Variants in RSBN1L observed in about 807,000 individuals in gnomAD.
The protein encoded by RSBN1L is lysine-specific demethylase RSBN1L.
A neutral mutation model predicts 67.7 loss-of-function variants in RSBN1L; 30 were observed. The observed-to-expected ratio is 0.44, with a 90% CI of 0.33 to 0.60. RSBN1L has a LOEUF of 0.60. RSBN1L is among the 20% of genes least tolerant of loss of function. The pLI is 0.02. For missense variants in RSBN1L, 992 were observed against 1,031.7 expected (o/e 0.96, Z 0.53); for synonymous variants, 433 against 387.0 (o/e 1.12, Z -1.39).
chr7:77,779,986 A>C lies in RSBN1L; in HGVS notation c.*818A>C, dbSNP rs1312968482. The C allele has an allele frequency of 6.6e-6, 1 of 151,842 alleles. No homozygotes were observed. The highest frequency in any genetic ancestry group is 1.5e-5 in the Non-Finnish European group (1 of 68,014). 9.4% of individuals were successfully genotyped at this position (151,842 alleles called of 1,614,324 possible). A position where few individuals can be genotyped will look rare whatever the true frequency, so the allele number is the denominator to read the frequency against. On this transcript the variant is annotated 3_prime_UTR_variant, in exon 8 of 8. Coordinates refer to ENST00000334955, the MANE Select transcript of RSBN1L (RefSeq NM_198467.3). ...AGCTGGGACTACAGGCACGCACCAC[A>C]ACACCCAGCTAATTTTTGTATTTTT...
chr7:77,776,065 A>AC, intron 6 of RSBN1L, among the ~76,000 whole-genome samples: 1 of 152,082 alleles, frequency 6.6e-6, no homozygotes, highest in East Asian at 1.9e-4. Flanking sequence ...TCAAAAAAAA[A>AC]AGTGTATTTT....
intron 6 of RSBN1L, among the ~76,000 whole-genome samples, chr7:77,776,959 CTTCTTTA>C (rs1233401328): frequency 3.3e-5 from 5 of 150,946 alleles, no homozygotes; most frequent in Admixed American, 6.6e-5. Flanking sequence ...TTCCAATTTG[CTTCTTTA>C]TTCTTTATTC....
Position 77,778,620 on chromosome 7 carries a change from T to A in RSBN1L, c.1993T>A (p.Tyr665Asn), listed in dbSNP as rs1227007668. 1 of 1,614,008 alleles carries A rather than the reference T, an allele frequency of 6.2e-7. No homozygotes were observed. Among genetic ancestry groups the A allele is most frequent in the Non-Finnish European group, 8.5e-7 (1 of 1,180,002 alleles). ...GATTCAGCTATATGATAATGACATT[T>A]ATTTTATTCCAAGGAATGTTGTTCA... ...ARIQLYDNDI[Y>N]FIPRNVVHQF... The change falls in exon 8 of 8, where the codon TAT (tyrosine) becomes AAT (asparagine). Residue 665 changes from tyrosine (Y) to asparagine (N), a missense_variant. Physicochemically the swap from Tyr to Asn is moderately radical, Grantham distance 143 (BLOSUM62 -2). Transcript: ENST00000334955.
At chr7:77,729,156 T>C (rs1038345933) in intron 1 of RSBN1L, among the ~76,000 whole-genome samples, 3 of 152,160 alleles carry the variant, frequency 2.0e-5, no homozygotes, top group Admixed American at 1.3e-4. Context: ...CAGCTTCCAT[T>C]GTGGTGTTTT....
At position 77,696,593 on chromosome 7, in the gene RSBN1L, G is replaced by T; in HGVS notation, c.124G>T (p.Ala42Ser). The change falls in exon 1 of 8, where the codon GCC becomes TCC. Residue 42 changes from alanine (A) to serine (S), a missense_variant. By Grantham distance (99) the Ala-to-Ser change is moderately conservative. Around this residue, in one of 7 missense-constraint regions of RSBN1L, gnomAD observed 575 missense variants for 483.2 expected, o/e 1.19. Coordinates refer to ENST00000334955, the MANE Select transcript of RSBN1L (RefSeq NM_198467.3). The part of the protein sequence containing the change: ...SSRDPPGSLS[A>S]KKVRTEEKKA... ...CCGGGACCCTCCGGGTTCTCTGTCC[G>T]CCAAGAAGGTCCGGACTGAGGAGAA... The T allele has an allele frequency of 1.5e-5, 24 of 1,614,082 alleles. No homozygotes were observed. Among genetic ancestry groups the T allele is most frequent in the Non-Finnish European group, 2.0e-5 (24 of 1,179,996 alleles).
At chr7:77,771,470 G>A (rs1791848881) in intron 5 of RSBN1L, among the ~76,000 whole-genome samples, 1 of 150,084 alleles carries the variant, frequency 6.7e-6, no homozygotes, top group Non-Finnish European at 1.5e-5. Context: ...TAATTTGTAA[G>A]TTAGTAGTAA....
chr7:77,767,079 C>A (rs1442536934), intron 4 of RSBN1L, among the ~76,000 whole-genome samples: 1 of 139,106 alleles, frequency 7.2e-6, no homozygotes, highest in Non-Finnish European at 1.5e-5. Context: ...TTCCCTTCCC[C>A]TTCCCCTTCC....
chr7:77,704,334 C>T (rs1463603180), intron 1 of RSBN1L, among the ~76,000 whole-genome samples: 2 of 151,754 alleles, frequency 1.3e-5, no homozygotes, highest in African/African-American at 4.8e-5. Context: ...GATAAACTAC[C>T]TAAAATAGGA....
intron 3 of RSBN1L, among the ~76,000 whole-genome samples, chr7:77,750,892 A>T (rs1211438091): frequency 6.6e-6 from 1 of 152,204 alleles, no homozygotes. Context: ...AAATAAGTAA[A>T]CAGACGTAGA....
chr7:77,698,477 GT>G (rs1310814383), intron 1 of RSBN1L, among the ~76,000 whole-genome samples: 1 of 152,226 alleles, frequency 6.6e-6, no homozygotes, highest in Non-Finnish European at 1.5e-5. Context: ...TTTGCTGTAA[GT>G]TCTCTGAAAG....
intron 1 of RSBN1L, among the ~76,000 whole-genome samples, chr7:77,731,062 G>C (rs561300981): frequency 6.6e-6 from 1 of 152,166 alleles, no homozygotes; most frequent in East Asian, 1.9e-4. Context: ...CTGGATTTTG[G>C]TCATTCTAAT....
chr7:77,721,089 T>G (rs1194523708), intron 1 of RSBN1L, among the ~76,000 whole-genome samples: 2 of 152,102 alleles, frequency 1.3e-5, no homozygotes, highest in African/African-American at 4.8e-5. Flanking sequence ...ATGGCCCGCT[T>G]TGTGCTTGGG....
In RSBN1L at chr7:77,736,453, A is replaced by G. The variant is rs3764824; in HGVS notation, c.630A>G (p.Glu210=). 555,135 of 1,121,062 alleles carry G rather than the reference A, an allele frequency of 0.5. 144,319 individuals carry two copies. The highest frequency in any genetic ancestry group is 0.84 in the African/African-American group (51,654 of 61,514). The allele number at this position is 1,121,062 out of a possible 1,614,324, so 69.4% of individuals were successfully genotyped here. The change falls in exon 2 of 8, where the codon GAA becomes GAG. Residue 210 remains glutamate (E), a synonymous_variant. Coordinates refer to ENST00000334955, the MANE Select transcript of RSBN1L (RefSeq NM_198467.3). ...DKIKERDKEK[E]REKKKHKVMN... is the part of the protein sequence containing the mutation. ...TTAAAGAGAGAGACAAAGAAAAAGA[A>G]AGAGAAAAAAAGAAACATAAAGTAA...
At chr7:77,752,355 A>G (rs991442061) in intron 3 of RSBN1L, among the ~76,000 whole-genome samples, 8 of 152,190 alleles carry the variant, frequency 5.3e-5, no homozygotes, top group African/African-American at 1.9e-4. Flanking sequence ...TTTAGACTTA[A>G]AGGCAGGAAA....
rs1382321851 is a variant in RSBN1L at position 77,750,040 on chromosome 7, G to A, written c.1320G>A (p.Thr440=). The A allele has an allele frequency of 3.1e-6, 5 of 1,595,474 alleles. No homozygotes were observed. The highest frequency in any genetic ancestry group is 2.7e-5 in the African/African-American group (2 of 73,654). ...EILGKKDIET[T]TMSNFHAQVK... is the part of the protein sequence containing the mutation. ...TGGGAAAGAAAGATATAGAGACAACGACTATGTCCAATTTTCATGCTCAGG... is the reference window on the plus strand; with the variant it reads ...TGGGAAAGAAAGATATAGAGACAACAACTATGTCCAATTTTCATGCTCAGG... Residue 440 remains threonine (T), a synonymous_variant, in exon 3 of 8, where the codon ACG becomes ACA. Transcript: ENST00000334955.
chr7:77,714,738 C>T (rs540214109), intron 1 of RSBN1L, among the ~76,000 whole-genome samples: 3 of 151,336 alleles, frequency 2.0e-5, no homozygotes, highest in Non-Finnish European at 2.9e-5. Flanking sequence ...TGAGGCGGGC[C>T]GATCACGAGG....
rs1790859462 is a variant in RSBN1L, at chr7:77,704,290, C to G, written c.586+7235C>G. ...TATAATAAATCTCATTAATTTTTCACCAATCTCAAATGAATTAAACTTTTC... is the reference window on the plus strand; with the variant it reads ...TATAATAAATCTCATTAATTTTTCAGCAATCTCAAATGAATTAAACTTTTC... On this transcript the variant is annotated intron_variant, in intron 1 of 7. Transcript: ENST00000334955. 2.6e-5 allele frequency among the ~76,000 whole-genome samples: 4 copies of G among 152,128 alleles called. No homozygotes were observed. The South Asian group carries it at 6.2e-4, about 24-fold the overall frequency.
intron 2 of RSBN1L, among the ~76,000 whole-genome samples, chr7:77,748,919 C>T (rs111957668): frequency 1.1e-4 from 17 of 148,242 alleles, no homozygotes; most frequent in Non-Finnish European, 1.4e-4. Context: ...GTCTGTCTCT[C>T]TCTTTCTCTC....
chr7:77,696,718 C>G lies in RSBN1L; in HGVS notation c.249C>G (p.Pro83=). The change falls in exon 1 of 8, where the codon CCC becomes CCG. Residue 83 remains proline, a synonymous_variant. Coordinates refer to ENST00000334955, the MANE Select transcript of RSBN1L (RefSeq NM_198467.3). The stretch of plus-strand genomic sequence containing the variant: ...CTTCGCCTCAGAGCTATGGCAGCCC[C>G]GCGTCTTGGAGCTTTGCCCCTCTGT... The part of the protein sequence containing the change: ...AAPSPQSYGS[P]ASWSFAPLSA... 6.2e-7 allele frequency: 1 copy of G among 1,613,578 alleles called. No individual in the cohort carries two copies. Among genetic ancestry groups the G allele is most frequent in the Middle Eastern group, 1.7e-4 (1 of 6,048 alleles).
Sources: allele counts gnomAD v4.1 joint callset (sites outside exome capture counted in the v4.1 genomes callset), GRCh38; gene constraint gnomAD v4.1.1; regional missense constraint gnomAD v4.1.1; transcripts MANE v1.5; gene names NCBI Gene and HGNC (gene_info 2026-07-23, HGNC 2026-07-21).